Variants in CLUH observed in about 807,000 individuals in gnomAD.
CLUH encodes the protein CLUH binding protein of NUMT mRNA, also known as clustered mitochondria protein homolog.
CLUH carries 77 observed loss-of-function variants against 139.3 expected under a neutral mutation model. That is an observed-to-expected ratio of 0.55 (90% CI 0.46 to 0.67). The LOEUF is 0.67. Among genes scored for constraint, CLUH ranks in the 30% least tolerant of loss-of-function variants. The pLI is 0.00. For missense variants in CLUH, 1,876 were observed against 1,875.8 expected, an observed-to-expected ratio of 1.00 and a Z score of 0.00; for synonymous variants, 999 against 801.6, an observed-to-expected ratio of 1.25 and a Z score of -4.16.
At position 2,704,342 on chromosome 17, in the gene CLUH, C is replaced by T; in HGVS notation, c.303+20G>A. 1 of 1,603,520 alleles carries T rather than the reference C, an allele frequency of 6.2e-7. No individual in the cohort carries two copies. The highest frequency in any genetic ancestry group is 1.3e-5 in the African/African-American group (1 of 74,722). ...CAGCAGGCTCAGGCCTGGCCCCCAG[C>T]ACCCGTTCCTCCATCTTACCTGCAG... is the stretch of plus-strand genomic sequence containing the variant. On this transcript the variant is annotated intron_variant, in intron 2 of 25. Coordinates refer to ENST00000651024, the MANE Select transcript of CLUH (RefSeq NM_001366661.1). This position sits in a 1 kb window ranked among gnomAD's most constrained non-coding sequence, Gnocchi z 5.7.
chr17:2,695,831 G>C, intron 13 of CLUH: 1 of 578,608 alleles, frequency 1.7e-6, no homozygotes, highest in Middle Eastern at 4.6e-4. Flanking sequence ...GGAGCACCCA[G>C]CATCCTGGAA....
intron 13 of CLUH, 85 bp from the exon 14 acceptor site, chr17:2,695,611 G>T: frequency 6.9e-7 from 1 of 1,445,560 alleles, no homozygotes; most frequent in Non-Finnish European, 9.1e-7. Context: ...AGCTATCCTG[G>T]GAGGCCCTGG....
rs753699065 is a variant in CLUH at position 2,694,517 on chromosome 17, G to A, written c.2900C>T (p.Thr967Met). The A allele has an allele frequency of 1.1e-5, 17 of 1,583,928 alleles. No homozygotes were observed. The highest frequency in any genetic ancestry group is 1.5e-5 in the Non-Finnish European group (17 of 1,165,516). ...AVETYGLQKI[T>M]LLREISLKTG... The stretch of plus-strand genomic sequence containing the variant: ...TTTCAGCGAGATCTCCCGCAGGAGC[G>A]TTATCTTCTGCAGGCCGTAGGTCTC... The change falls in exon 17 of 26, where the codon ACG becomes ATG. Residue 967 changes from threonine (T) to methionine (M), a missense_variant. Coordinates refer to ENST00000651024, the MANE Select transcript of CLUH (RefSeq NM_001366661.1).
chr17:2,703,155 T>C lies in CLUH; in HGVS notation c.475+163A>G, dbSNP rs2070240825. ...GCTCTGTTCTTTAACCCATGGGCCG[T>C]GAAGTTGGCAGATATAGGTGTGCTG... On this transcript the variant is annotated intron_variant, in intron 3 of 25. Coordinates refer to ENST00000651024, the MANE Select transcript of CLUH (RefSeq NM_001366661.1). This position sits in a 1 kb window ranked among gnomAD's most constrained non-coding sequence, Gnocchi z 4.2. Among the ~76,000 whole-genome samples the C allele has an allele frequency of 6.6e-6, 1 of 152,204 alleles. No individual in the cohort carries two copies. The highest frequency in any genetic ancestry group is 2.4e-5 in the African/African-American group (1 of 41,452).
chr17:2,705,817 G>A (rs1307969969), intron 1 of CLUH, among the ~76,000 whole-genome samples: 1 of 152,196 alleles, frequency 6.6e-6, no homozygotes, highest in Non-Finnish European at 1.5e-5. Flanking sequence ...GCTCCAGGGT[G>A]GGGAGCAGGT....
chr17:2,702,123 C>A (rs910572476), intron 3 of CLUH, 66 bp from the exon 4 acceptor site: 6 of 1,563,336 alleles, frequency 3.8e-6, no homozygotes, highest in Middle Eastern at 1.7e-4. Flanking sequence ...CTGCCCAGCA[C>A]AAAACAGGTT....
Position 2,711,552 on chromosome 17 carries a change from C to A in CLUH, c.100+10G>T. 1 of 937,340 alleles carries A rather than the reference C, an allele frequency of 1.1e-6. No homozygotes were observed. The highest frequency in any genetic ancestry group is 1.2e-4 in the East Asian group (1 of 8,314). The allele number at this position is 937,340 out of a possible 1,614,324, so 58.1% of individuals were successfully genotyped here. A position where few individuals can be genotyped will look rare whatever the true frequency, so the allele number is the denominator to read the frequency against. ...CCGCCCAGCGGCCCGCTGGCCCTGG[C>A]CCCGCTCACCGGCCGCGCCCGGCCG... On this transcript the variant is annotated intron_variant, in intron 1 of 25. Coordinates refer to ENST00000651024, the MANE Select transcript of CLUH (RefSeq NM_001366661.1).
Position 2,700,457 on chromosome 17 carries a change from C to G in CLUH, c.1191G>C (p.Glu397Asp). The G allele has an allele frequency of 2.5e-6, 4 of 1,612,712 alleles. No individual in the cohort carries two copies. Among genetic ancestry groups the G allele is most frequent in the Non-Finnish European group, 3.4e-6 (4 of 1,179,698 alleles). ...HIPGQTRDWNEELQTTRELPR... is the reference protein window; with the variant it reads ...HIPGQTRDWNDELQTTRELPR... ...GCAGCTCCCTCGTCGTCTGCAGCTC[C>G]TCATTCCAGTCTCGGGTCTGCAGAG... Residue 397 changes from glutamate to aspartate, a missense_variant, in exon 9 of 26, where the codon GAG becomes GAC. Glu to Asp is a conservative substitution (Grantham distance 45). Around this residue, in one of 3 missense-constraint regions of CLUH, gnomAD observed 1,454 missense variants for 1,384.4 expected, o/e 1.05. Transcript: ENST00000651024.
At chr17:2,691,948 C>A (rs2069671445) in intron 23 of CLUH, 53 bp from the exon 24 acceptor site, 7 of 1,172,210 alleles carry the variant, frequency 6.0e-6, no homozygotes, top group South Asian at 5.1e-5. Context: ...CGGCCCCGCC[C>A]CCGCCCCGCC....
chr17:2,696,761 C>T lies in CLUH; in HGVS notation c.2143G>A (p.Val715Met), dbSNP rs371258450. 6.1e-5 allele frequency: 99 copies of T among 1,612,686 alleles called. No individual in the cohort carries two copies. The African/African-American group carries it at 1.1e-3, about 18-fold the overall frequency. The change falls in exon 11 of 26, where the codon GTG becomes ATG. Residue 715 changes from valine (V) to methionine (M), a missense_variant. This residue lies in a region of CLUH where 1,454 missense variants were observed against 1,384.4 expected (regional missense o/e 1.05). Transcript: ENST00000651024. ...GCGATGGTCTCTGCCAGCTCCTTCACCTTGGCCAGGCCGCTGGCGCTGCTA... is the reference window on the plus strand; with the variant it reads ...GCGATGGTCTCTGCCAGCTCCTTCATCTTGGCCAGGCCGCTGGCGCTGCTA... Reference protein sequence around the residue: ...EGSSASGLAKVKELAETIAAD... With the variant: ...EGSSASGLAKMKELAETIAAD...
rs750577311 is a variant in CLUH, at chr17:2,695,405, C to T, written c.2513G>A (p.Ser838Asn). ...LGKVLELVLRSPARHQLDHVF... is the reference protein window; with the variant it reads ...LGKVLELVLRNPARHQLDHVF... ...GTGGTCCAGCTGGTGGCGGGCCGGG[C>T]TCCGCAGCACCAGCTCCAGCACCTT... The change falls in exon 14 of 26, where the codon AGC (serine) becomes AAC (asparagine). Residue 838 changes from serine to asparagine, a missense_variant. Around this residue, in one of 3 missense-constraint regions of CLUH, gnomAD observed 1,454 missense variants for 1,384.4 expected, o/e 1.05. Transcript: ENST00000651024. 30 of 1,612,580 alleles carry T rather than the reference C, an allele frequency of 1.9e-5. No individual in the cohort carries two copies. The highest frequency in any genetic ancestry group is 2.2e-5 in the Non-Finnish European group (26 of 1,179,696).
Position 2,692,634 on chromosome 17 carries a change from G to C in CLUH, c.3375C>G (p.Tyr1125Ter), listed in dbSNP as rs995435238. The C allele has an allele frequency of 6.2e-7, 1 of 1,612,866 alleles. No individual in the cohort carries two copies. Among genetic ancestry groups the C allele is most frequent in the Non-Finnish European group, 8.5e-7 (1 of 1,179,516 alleles). ...CCAGCAGCATGAGGTAGCGGGCGCGGTACAGCAGGCTCAGGGCGGTGGACA... is the reference window on the plus strand; with the variant it reads ...CCAGCAGCATGAGGTAGCGGGCGCGCTACAGCAGGCTCAGGGCGGTGGACA... The part of the protein sequence containing the change: ...SQLSTALSLL[Y>*]RARYLMLLVF... The change falls in exon 21 of 26, where the codon TAC (tyrosine) becomes TAG (stop). Residue 1125 changes from tyrosine to a stop codon, truncating the protein, a stop_gained. Transcript: ENST00000651024. LOFTEE classifies it high-confidence loss of function.
chr17:2,698,408 G>A lies in CLUH; in HGVS notation c.1449C>T (p.Ala483=), dbSNP rs375827174. ...TCAGGTCGTTGGTGGGCGCCACGTA[G>A]GCCGCCACGTCCCCCCCGAAGTCCT... The part of the protein sequence containing the change: ...HYKDFGGDVA[A]YVAPTNDLNG... The change falls in exon 10 of 26, where the codon GCC becomes GCT. Residue 483 remains alanine (A), a synonymous_variant. Transcript: ENST00000651024. 1 of 1,613,092 alleles carries A rather than the reference G, an allele frequency of 6.2e-7. No homozygotes were observed. Among genetic ancestry groups the A allele is most frequent in the Non-Finnish European group, 8.5e-7 (1 of 1,179,778 alleles).
Position 2,706,378 on chromosome 17 carries a change from C to G in CLUH, c.101-1814G>C, listed in dbSNP as rs924058271. ...TTTGAAGCCCAGAAAGGCTCGGAGC[C>G]TGGCCTAAGGTCAACCAAGTCAGAA... is the stretch of plus-strand genomic sequence containing the variant. On this transcript the variant is annotated intron_variant, in intron 1 of 25. Transcript: ENST00000651024. The surrounding 1 kb of genome is among the most constrained non-coding windows in gnomAD (Gnocchi z 4.6). 6.6e-6 allele frequency among the ~76,000 whole-genome samples: 1 copy of G among 152,132 alleles called. No homozygotes were observed. Among genetic ancestry groups the G allele is most frequent in the Non-Finnish European group, 1.5e-5 (1 of 68,024 alleles).
In CLUH at chr17:2,701,253, A is replaced by G. The variant is rs1185323224; in HGVS notation, c.912T>C (p.Tyr304=). 3 of 1,612,540 alleles carry G rather than the reference A, an allele frequency of 1.9e-6. No homozygotes were observed. Among genetic ancestry groups the G allele is most frequent in the Non-Finnish European group, 2.5e-6 (3 of 1,179,418 alleles). ...RGFYLNQSTA[Y]HFNPKPASPR... ...GGCTGGCGGGCTTGGGGTTGAAGTGATAAGCTGTGGACCTGCAGGGAGAGG... is the reference window on the plus strand; with the variant it reads ...GGCTGGCGGGCTTGGGGTTGAAGTGGTAAGCTGTGGACCTGCAGGGAGAGG... Residue 304 remains tyrosine, a synonymous_variant, in exon 7 of 26, where the codon TAT becomes TAC. Coordinates refer to ENST00000651024, the MANE Select transcript of CLUH (RefSeq NM_001366661.1).
chr17:2,709,630 C>G (rs79245476), intron 1 of CLUH, among the ~76,000 whole-genome samples: 1 of 152,208 alleles, frequency 6.6e-6, no homozygotes, highest in Admixed American at 6.5e-5. Flanking sequence ...CCCTAAAAGC[C>G]GCTGTATTCC....
intron 3 of CLUH, among the ~76,000 whole-genome samples, chr17:2,702,888 G>A (rs1486160757): frequency 2.0e-5 from 3 of 151,608 alleles, no homozygotes; most frequent in Non-Finnish European, 4.4e-5. Flanking sequence ...GCAGTGGCAC[G>A]ATCCGGGCAC....
At chr17:2,708,643 A>G (rs964561347) in intron 1 of CLUH, among the ~76,000 whole-genome samples, 2 of 151,562 alleles carry the variant, frequency 1.3e-5, no homozygotes, top group African/African-American at 4.8e-5. Context: ...AAAAAACAGG[A>G]GTGTCAGACG....
chr17:2,711,301 C>A (rs1436247891), intron 1 of CLUH: 1 of 152,180 alleles, frequency 6.6e-6, no homozygotes, highest in Non-Finnish European at 1.5e-5. Context: ...GCGCACGTGT[C>A]CCCGCGATGA....
Sources: gnomAD v4.1 joint callset for allele counts (sites outside exome capture counted in the v4.1 genomes callset) on GRCh38, gnomAD v4.1.1 for gene constraint, gnomAD v4.1.1 regional missense constraint, Gnocchi (gnomAD v3.1) non-coding constraint, MANE v1.5 for transcripts, NCBI Gene and HGNC (gene_info 2026-07-23, HGNC 2026-07-21) for gene names.